PDE6G: variants seen among roughly 807,000 people sequenced by gnomAD.
PDE6G encodes rod cGMP 3',5'-cyclic phosphodiesterase subunit gamma.
PDE6G carries 10 observed loss-of-function variants against 10.9 expected under a neutral mutation model. The ratio of observed to expected loss-of-function variants is 0.91; its 90% confidence interval spans 0.56 to 1.55. The LOEUF (loss-of-function observed/expected upper bound fraction) is 1.55. PDE6G is among the 40% of genes most tolerant of loss of function. PDE6G has a pLI of 0.00. For synonymous variants in PDE6G, 41 were observed against 42.8 expected (o/e 0.96, Z 0.16); for missense variants, 102 against 110.1 (o/e 0.93, Z 0.33).
rs553382293 is a variant in PDE6G at position 81,653,604 on chromosome 17, C to A, written c.-59-240G>T. The A allele has an allele frequency of 4.4e-6, 2 of 458,618 alleles. No homozygotes were observed. The highest frequency in any genetic ancestry group is 2.0e-5 in the African/African-American group (1 of 50,462). 28.4% of individuals were successfully genotyped at this position (458,618 alleles called of 1,614,324 possible). ...CTGCAACGCTGGCCACACACAGCTCCGGACTCCCCCCTGTCCTGGCCTCCC... is the reference window on the plus strand; with the variant it reads ...CTGCAACGCTGGCCACACACAGCTCAGGACTCCCCCCTGTCCTGGCCTCCC... On this transcript the variant is annotated intron_variant, in intron 1 of 3. Transcript: ENST00000331056. This position sits in a 1 kb window ranked among gnomAD's most constrained non-coding sequence, Gnocchi z 5.2.
At chr17:81,657,805 C>T (rs1396085367), upstream of PDE6G, among the ~76,000 whole-genome samples, 2 of 152,072 alleles carry the variant, frequency 1.3e-5, no homozygotes, top group East Asian at 3.9e-4. Flanking sequence ...GGCGTGAACC[C>T]GGGAGGCGGA....
upstream of PDE6G, among the ~76,000 whole-genome samples, chr17:81,658,948 C>T (rs1198640211): frequency 1.3e-5 from 2 of 152,066 alleles, no homozygotes; most frequent in East Asian, 1.9e-4. Flanking sequence ...CATGAAAATA[C>T]ATAAAGCTCC....
intron 1 of PDE6G, among the ~76,000 whole-genome samples, chr17:81,654,491 T>A (rs1218983620): frequency 6.7e-6 from 1 of 150,298 alleles, no homozygotes; most frequent in Non-Finnish European, 1.5e-5. Context: ...GTAATTCTCC[T>A]GCCTCAGCCT....
chr17:81,652,316 G>C (rs1357149134), intron 2 of PDE6G, among the ~76,000 whole-genome samples: 2 of 152,046 alleles, frequency 1.3e-5, no homozygotes, highest in African/African-American at 4.8e-5. Flanking sequence ...TCACTCTGTC[G>C]CCCAGGCTGG....
Position 81,651,772 on chromosome 17 carries a change from G to T in PDE6G, c.147-87C>A. The T allele has an allele frequency of 7.1e-7, 1 of 1,409,402 alleles. No individual in the cohort carries two copies. The highest frequency in any genetic ancestry group is 1.2e-5 in the South Asian group (1 of 83,548). The allele number at this position is 1,409,402 out of a possible 1,614,324, so 87.3% of individuals were successfully genotyped here. A position where few individuals can be genotyped will look rare whatever the true frequency, so the allele number is the denominator to read the frequency against. On this transcript the variant is annotated intron_variant, in intron 2 of 3. Coordinates refer to ENST00000331056, the MANE Select transcript of PDE6G (RefSeq NM_002602.4). This position sits in a 1 kb window ranked among gnomAD's most constrained non-coding sequence, Gnocchi z 4.8. ...CCCGAGGTCATCTCTAGCCTTCCTAGGAGATGAGGTGTTTGGCTGGGAGCC... is the reference window on the plus strand; with the variant it reads ...CCCGAGGTCATCTCTAGCCTTCCTATGAGATGAGGTGTTTGGCTGGGAGCC...
upstream of PDE6G, among the ~76,000 whole-genome samples, chr17:81,658,814 C>G (rs1022746150): frequency 6.6e-6 from 1 of 152,034 alleles, no homozygotes; most frequent in African/African-American, 2.4e-5. Flanking sequence ...GCACTCCAGC[C>G]TGGGCAACAG....
At chr17:81,656,697 C>T, upstream of PDE6G, 1 of 697,062 alleles carries the variant, frequency 1.4e-6, no homozygotes, top group Non-Finnish European at 2.6e-6. Context: ...GTCAAGGGCT[C>T]CAAGGAAGGA....
intron 2 of PDE6G, among the ~76,000 whole-genome samples, chr17:81,652,184 C>T (rs957658523): frequency 6.6e-6 from 1 of 151,284 alleles, no homozygotes; most frequent in Non-Finnish European, 1.5e-5. Flanking sequence ...CTCCTCGGTG[C>T]ACTGATGGGA....
intron 1 of PDE6G, among the ~76,000 whole-genome samples, chr17:81,661,858 C>CAAAA (rs33915100): frequency 1.5e-5 from 1 of 65,364 alleles, no homozygotes; most frequent in Admixed American, 2.0e-4. Flanking sequence ...GACTCTGTCT[C>CAAAA]AAAAAAAAAA....
Position 81,653,543 on chromosome 17 carries a change from G to C in PDE6G, c.-59-179C>G, listed in dbSNP as rs34483867. On this transcript the variant is annotated intron_variant, in intron 1 of 3. Coordinates refer to ENST00000331056, the MANE Select transcript of PDE6G (RefSeq NM_002602.4). The surrounding 1 kb of genome is among the most constrained non-coding windows in gnomAD (Gnocchi z 5.2). ...CTGCCAGCTTTGCTTGGGTCCACCC[G>C]CACGCTCCCATTCCCCTTGCCTAGT... 1 of 571,480 alleles carries C rather than the reference G, an allele frequency of 1.7e-6. No homozygotes were observed. The highest frequency in any genetic ancestry group is 1.9e-5 in the African/African-American group (1 of 53,324). 35.4% of individuals were successfully genotyped at this position (571,480 alleles called of 1,614,324 possible).
intron 1 of PDE6G, among the ~76,000 whole-genome samples, chr17:81,654,529 G>A (rs1040399913): frequency 2.0e-5 from 3 of 151,806 alleles, no homozygotes; most frequent in Non-Finnish European, 4.4e-5. Flanking sequence ...ACAGGCATGC[G>A]CCACCACACC....
upstream of PDE6G, among the ~76,000 whole-genome samples, chr17:81,659,365 G>A (rs543157820): frequency 2.6e-5 from 4 of 151,986 alleles, no homozygotes; most frequent in Non-Finnish European, 5.9e-5. Context: ...TTTGGAGGAC[G>A]AGGTGGCTGG....
At position 81,651,220 on chromosome 17, in the gene PDE6G, C is replaced by A; in HGVS notation, c.188-70G>T. 1 of 1,149,880 alleles carries A rather than the reference C, an allele frequency of 8.7e-7. No individual in the cohort carries two copies. The highest frequency in any genetic ancestry group is 1.3e-6 in the Non-Finnish European group (1 of 762,740). 71.2% of individuals were successfully genotyped at this position (1,149,880 alleles called of 1,614,324 possible). ...AGGGACCCCCCCATCCCCTGTGGCC[C>A]TGTTTCCCACAGCCCAGGTGTAGCC... is the stretch of plus-strand genomic sequence containing the variant. On this transcript the variant is annotated intron_variant, in intron 3 of 3. Transcript: ENST00000331056. The surrounding 1 kb of genome is among the most constrained non-coding windows in gnomAD (Gnocchi z 4.8).
chr17:81,654,223 T>A (rs1363856242), intron 1 of PDE6G, among the ~76,000 whole-genome samples: 1 of 152,160 alleles, frequency 6.6e-6, no homozygotes. Flanking sequence ...GTTAGTGGGC[T>A]GCCTCCATCT....
upstream of PDE6G, chr17:81,656,574 G>A (rs747264877): frequency 6.6e-5 from 50 of 758,586 alleles, no homozygotes; most frequent in East Asian, 2.4e-4. Flanking sequence ...CCTTTATCTC[G>A]CTGCTTCATG....
chr17:81,660,401 CTG>C (rs1211319911), upstream of PDE6G, among the ~76,000 whole-genome samples: 1 of 152,140 alleles, frequency 6.6e-6, no homozygotes, highest in Non-Finnish European at 1.5e-5. Context: ...GACAGAGACT[CTG>C]TCTCAAAACA....
chr17:81,660,977 G>A (rs906332968), upstream of PDE6G, among the ~76,000 whole-genome samples: 10 of 152,194 alleles, frequency 6.6e-5, no homozygotes, highest in African/African-American at 2.4e-4. Context: ...GGAGTGTAGT[G>A]AGGCAATCAT....
At chr17:81,652,620 G>A (rs1159526744) in intron 2 of PDE6G, among the ~76,000 whole-genome samples, 1 of 149,986 alleles carries the variant, frequency 6.7e-6, no homozygotes, top group Non-Finnish European at 1.5e-5. Flanking sequence ...TTGTTGCCCA[G>A]CCTGGAGTGC....
upstream of PDE6G, among the ~76,000 whole-genome samples, chr17:81,661,245 G>A (rs1358359062): frequency 1.3e-5 from 2 of 152,240 alleles, no homozygotes; most frequent in African/African-American, 2.4e-5. Flanking sequence ...AATGAACCGG[G>A]CATGGTGGCA....
Sources: gnomAD v4.1 joint callset for allele counts (sites outside exome capture counted in the v4.1 genomes callset) on GRCh38, gnomAD v4.1.1 for gene constraint, Gnocchi (gnomAD v3.1) non-coding constraint, MANE v1.5 for transcripts, NCBI Gene and HGNC (gene_info 2026-07-23, HGNC 2026-07-21) for gene names.